The following HDAC9 variants were observed in gnomAD, a reference collection of about 807,000 sequenced individuals.
HDAC9 encodes the protein histone deacetylase 9, also known as MEF-2 interacting transcription repressor (MITR) protein.
HDAC9 carries 41 observed loss-of-function variants against 139.4 expected under a neutral mutation model. The observed-to-expected ratio is 0.29, with a 90% confidence interval of 0.23 to 0.38. HDAC9 has a LOEUF of 0.38. Among genes scored for constraint, HDAC9 ranks in the 10% least tolerant of loss-of-function variants. The probability of loss-of-function intolerance (pLI) is 1.00; values close to 1 mark genes in which losing one functional copy is unlikely to be tolerated. For synonymous variants in HDAC9, 517 were observed against 476.2 expected, an observed-to-expected ratio of 1.09 and a Z score of -1.12; for missense variants, 1,147 against 1,297.0, an observed-to-expected ratio of 0.88 and a Z score of 1.78.
chr7:18,231,135 A>T (rs539534806), intron 2 of HDAC9, among the ~76,000 whole-genome samples: 1 of 152,106 alleles, frequency 6.6e-6, no homozygotes, highest in Admixed American at 6.5e-5. Flanking sequence ...TGTAACATAT[A>T]CTCTTTTATT....
At position 18,568,026 on chromosome 7, in the gene HDAC9, G is replaced by GTGTATATA. The variant is rs1384273199; in HGVS notation, c.23-17254_23-17253insGTATATAT. On this transcript the variant is annotated intron_variant, in intron 2 of 25. Transcript: ENST00000686413. Reference sequence around the variant, plus strand: ...TTATACATACAGGATATATGTATATGTATATATATATATATATATATATAT... The same window carrying GTGTATATA: ...TTATACATACAGGATATATGTATATGTGTATATATATATATATATATATATATATATAT... Among the ~76,000 whole-genome samples, 660 of 126,792 alleles carry GTGTATATA rather than the reference G, an allele frequency of 5.2e-3. 11 individuals are homozygous for GTGTATATA. Among genetic ancestry groups the GTGTATATA allele is most frequent in the Middle Eastern group, 0.029 (7 of 244 alleles). The allele number at this position is 126,792 out of a possible 152,430, so 83.2% of individuals were successfully genotyped here. A position where few individuals can be genotyped will look rare whatever the true frequency, so the allele number is the denominator to read the frequency against.
At chr7:18,637,892 C>T (rs1012003667) in intron 8 of HDAC9, among the ~76,000 whole-genome samples, 9 of 151,798 alleles carry the variant, frequency 5.9e-5, no homozygotes, top group Non-Finnish European at 1.0e-4. Context: ...CTTTTTAGCA[C>T]TAAATGTTTC....
chr7:18,232,939 A>T (rs901950768), intron 2 of HDAC9, among the ~76,000 whole-genome samples: 2 of 152,210 alleles, frequency 1.3e-5, no homozygotes, highest in Admixed American at 6.5e-5. Context: ...GCATAGGTTC[A>T]TAATAAACAG....
intron 24 of HDAC9, among the ~76,000 whole-genome samples, chr7:18,964,801 G>T (rs1341856778): frequency 2.0e-5 from 3 of 152,128 alleles, no homozygotes; most frequent in Non-Finnish European, 4.4e-5. Flanking sequence ...CAGCATGGGG[G>T]ACACCACCCT....
chr7:18,427,643 T>G (rs1790240896), intron 1 of HDAC9, among the ~76,000 whole-genome samples: 1 of 151,748 alleles, frequency 6.6e-6, no homozygotes, highest in South Asian at 2.1e-4. Flanking sequence ...GTTTTGTCCT[T>G]AATCCCCTTC....
intron 22 of HDAC9, among the ~76,000 whole-genome samples, chr7:18,911,145 A>C (rs1480410825): frequency 2.1e-5 from 3 of 144,124 alleles, no homozygotes; most frequent in Non-Finnish European, 4.5e-5. Context: ...TGGTCTGTTC[A>C]GGCTTTTTTT....
At chr7:18,720,671 C>CTT (rs1258276875) in intron 12 of HDAC9, among the ~76,000 whole-genome samples, 1 of 142,754 alleles carries the variant, frequency 7.0e-6, no homozygotes, top group Non-Finnish European at 1.5e-5. Flanking sequence ...ATGCTCTTTT[C>CTT]TTTTTTTTTT....
chr7:18,711,201 T>G (rs1243796027), intron 12 of HDAC9, among the ~76,000 whole-genome samples: 1 of 152,204 alleles, frequency 6.6e-6, no homozygotes, highest in Non-Finnish European at 1.5e-5. Context: ...ATTAAGTAAC[T>G]TATCTGTCAT....
At chr7:18,199,079 T>G (rs1790921028) in intron 2 of HDAC9, among the ~76,000 whole-genome samples, 1 of 152,016 alleles carries the variant, frequency 6.6e-6, no homozygotes, top group African/African-American at 2.4e-5. Flanking sequence ...TTTTTGTCAT[T>G]AAGTTTTTTG....
At chr7:18,496,052 CT>C in intron 1 of HDAC9, 29 bp downstream of exon 1, 1 of 1,438,552 alleles carries the variant, frequency 7.0e-7, no homozygotes, top group Non-Finnish European at 9.1e-7. Flanking sequence ...GTGTCCAGGT[CT>C]TTTTAAAAGT....
rs6974492 is a variant in HDAC9, at chr7:18,741,466, A to G, written c.1910-7539A>G. ...TGGTTTATTGAGGATTTTAAGCTCA[A>G]TTTTTAGACTTACTGCTCAGGGGGG... On this transcript the variant is annotated intron_variant, in intron 13 of 25. Transcript: ENST00000686413. Among the ~76,000 whole-genome samples the G allele has an allele frequency of 2.6e-3, 402 of 152,226 alleles. 2 individuals carry two copies. Among genetic ancestry groups the G allele is most frequent in the African/African-American group, 9.3e-3 (385 of 41,528 alleles).
intron 2 of HDAC9, among the ~76,000 whole-genome samples, chr7:18,209,347 C>A (rs986377200): frequency 6.6e-6 from 1 of 152,172 alleles, no homozygotes; most frequent in African/African-American, 2.4e-5. Context: ...GAGAAATGAG[C>A]CCAGATCACA....
intron 16 of HDAC9, among the ~76,000 whole-genome samples, chr7:18,772,231 A>T (rs962105561): frequency 6.6e-6 from 1 of 152,074 alleles, no homozygotes; most frequent in African/African-American, 2.4e-5. Flanking sequence ...AGGTCATGGG[A>T]GGCAGCCAGG....
At chr7:18,431,712 T>C (rs1790685287) in intron 1 of HDAC9, among the ~76,000 whole-genome samples, 1 of 152,224 alleles carries the variant, frequency 6.6e-6, no homozygotes, top group Non-Finnish European at 1.5e-5. Flanking sequence ...ACTGGATTGA[T>C]GAATGAGGGA....
chr7:18,206,921 A>T lies in HDAC9; in HGVS notation c.25+44572A>T, dbSNP rs183368461. Among the ~76,000 whole-genome samples, 478 of 138,372 alleles carry T rather than the reference A, an allele frequency of 3.5e-3. 2 individuals carry two copies. The highest frequency in any genetic ancestry group is 5.8e-3 in the Non-Finnish European group (379 of 65,586). 90.8% of individuals were successfully genotyped at this position (138,372 alleles called of 152,430 possible). A position where few individuals can be genotyped will look rare whatever the true frequency, so the allele number is the denominator to read the frequency against. The stretch of plus-strand genomic sequence containing the variant: ...TGCCTCATTCAAAAAATGATTCGAG[A>T]TATCTTTTCTTTTTTTTTTTTTTTT... On this transcript the variant is annotated intron_variant, in intron 2 of 12. Coordinates refer to the HDAC9 transcript ENST00000417496.
chr7:18,300,869 G>A (rs1018607262), intron 1 of HDAC9, among the ~76,000 whole-genome samples: 3 of 152,078 alleles, frequency 2.0e-5, no homozygotes, highest in Admixed American at 2.0e-4. Flanking sequence ...TGTATTAAAG[G>A]TTATGAAATG....
chr7:18,861,351 G>A (rs545358530), intron 21 of HDAC9, among the ~76,000 whole-genome samples: 48 of 152,076 alleles, frequency 3.2e-4, no homozygotes, highest in Non-Finnish European at 5.7e-4. Context: ...AGAGTTTAAC[G>A]AAAGCAAAAT....
intron 1 of HDAC9, among the ~76,000 whole-genome samples, chr7:18,374,114 T>C (rs1057450366): frequency 1.3e-5 from 2 of 151,830 alleles, no homozygotes; most frequent in Admixed American, 6.6e-5. Flanking sequence ...ATACTATGCA[T>C]ATATATCATA....
At chr7:18,604,853 C>G (rs1038654468) in intron 6 of HDAC9, among the ~76,000 whole-genome samples, 4 of 152,048 alleles carry the variant, frequency 2.6e-5, no homozygotes, top group African/African-American at 9.7e-5. Context: ...CTTTTAGTTC[C>G]TTTAAGTTCC....
Sources: allele counts gnomAD v4.1 joint callset (sites outside exome capture counted in the v4.1 genomes callset), GRCh38; gene constraint gnomAD v4.1.1; transcripts MANE v1.5; gene names NCBI Gene and HGNC (gene_info 2026-07-23, HGNC 2026-07-21).